RNF138: variants seen among roughly 807,000 people sequenced by gnomAD.
RNF138 encodes the protein ring finger protein 138.
Under a neutral mutation model 31.0 loss-of-function variants are expected in RNF138, and 12 were observed. That is an observed-to-expected ratio of 0.39 (90% CI 0.25 to 0.63). The LOEUF (loss-of-function observed/expected upper bound fraction) is 0.63. RNF138 is among the 20% of genes least tolerant of loss of function. The pLI is 0.52. For missense variants in RNF138, 192 were observed against 300.1 expected, an observed-to-expected ratio of 0.64 and a Z score of 2.66; for synonymous variants, 105 against 99.5, an observed-to-expected ratio of 1.06 and a Z score of -0.33.
intron 4 of RNF138, among the ~76,000 whole-genome samples, chr18:32,122,893 G>A (rs1295527978): frequency 1.3e-5 from 2 of 152,118 alleles, no homozygotes; most frequent in African/African-American, 2.4e-5. Context: ...CACAGGTGAC[G>A]GTCCCTGTAT....
intron 2 of RNF138, among the ~76,000 whole-genome samples, chr18:32,103,248 G>C (rs1225400025): frequency 6.6e-6 from 1 of 152,002 alleles, no homozygotes. Flanking sequence ...CAGTGGGGTG[G>C]GGTGATCATT....
At chr18:32,125,101 G>T in intron 6 of RNF138, 1 of 314,212 alleles carries the variant, frequency 3.2e-6, no homozygotes, top group Non-Finnish European at 6.0e-6. Flanking sequence ...GTGAAGTAAT[G>T]AAAGATGAAC....
At chr18:32,128,026 G>C (rs566069141) in intron 7 of RNF138, among the ~76,000 whole-genome samples, 1 of 152,310 alleles carries the variant, frequency 6.6e-6, no homozygotes, top group African/African-American at 2.4e-5. Context: ...CTTGCAGTGC[G>C]TGAAGATCAC....
At chr18:32,108,251 C>G (rs1252547645) in intron 2 of RNF138, among the ~76,000 whole-genome samples, 2 of 152,120 alleles carry the variant, frequency 1.3e-5, no homozygotes, top group Non-Finnish European at 2.9e-5. Flanking sequence ...ACACCCATAT[C>G]AAGCAACCAT....
In RNF138 at chr18:32,126,678, A is replaced by T; in HGVS notation, c.562-15A>T. The T allele has an allele frequency of 7.2e-7, 1 of 1,385,294 alleles. No homozygotes were observed. The highest frequency in any genetic ancestry group is 1.0e-6 in the Non-Finnish European group (1 of 984,388). The allele number at this position is 1,385,294 out of a possible 1,614,324, so 85.8% of individuals were successfully genotyped here. ...TTTTTATTATTTTTTGTTTAAAACA[A>T]TCTGTTTCTTATAGACATGTCCTAT... On this transcript the variant is annotated splice_polypyrimidine_tract_variant and intron_variant, in intron 6 of 7. Transcript: ENST00000261593.
At chr18:32,093,268 T>G (rs1283951295) in intron 2 of RNF138, among the ~76,000 whole-genome samples, 1 of 152,130 alleles carries the variant, frequency 6.6e-6, no homozygotes, top group African/African-American at 2.4e-5. Flanking sequence ...GGAGCCTTTT[T>G]GTTTCTTAGC....
chr18:32,111,853 A>G lies in RNF138; in HGVS notation c.210A>G (p.Glu70=), dbSNP rs2040137006. 2 of 1,614,032 alleles carry G rather than the reference A, an allele frequency of 1.2e-6. No homozygotes were observed. Among genetic ancestry groups the G allele is most frequent in the Middle Eastern group, 1.7e-4 (1 of 6,052 alleles). The stretch of plus-strand genomic sequence containing the variant: ...CTAGAAGAGAGAGAGCATGTCCTGA[A>G]CGGGCCTTAGACCTTGAAAATATAA... ...NVTRRERACP[E]RALDLENIMR... The change falls in exon 3 of 8, where the codon GAA becomes GAG. Residue 70 remains glutamate, a synonymous_variant. Transcript: ENST00000261593.
In RNF138 at chr18:32,111,926, T is replaced by C; in HGVS notation, c.276+7T>C. The C allele has an allele frequency of 6.3e-7, 1 of 1,583,166 alleles. No homozygotes were observed. The highest frequency in any genetic ancestry group is 1.2e-5 in the South Asian group (1 of 86,220). ...CAGATGCTGTGCAAAACAGGTAGAGTAAATGTGACATCTCTCTTCTTTGGA... is the reference window on the plus strand; with the variant it reads ...CAGATGCTGTGCAAAACAGGTAGAGCAAATGTGACATCTCTCTTCTTTGGA... On this transcript the variant is annotated splice_region_variant and intron_variant, in intron 3 of 7. Coordinates refer to ENST00000261593, the MANE Select transcript of RNF138 (RefSeq NM_016271.5).
intron 2 of RNF138, among the ~76,000 whole-genome samples, chr18:32,098,119 TG>T: frequency 6.6e-6 from 1 of 151,978 alleles, no homozygotes; most frequent in South Asian, 2.1e-4. Context: ...CCCAAGTAGT[TG>T]GGATTACAGG....
chr18:32,108,663 TTTTTG>T (rs2040075937), intron 2 of RNF138, among the ~76,000 whole-genome samples: 1 of 152,066 alleles, frequency 6.6e-6, no homozygotes, highest in Non-Finnish European at 1.5e-5. Flanking sequence ...ATATATGTAA[TTTTTG>T]TTTTGTTTGG....
chr18:32,113,917 T>G, intron 4 of RNF138, 57 bp downstream of exon 4: 2 of 910,222 alleles, frequency 2.2e-6, no homozygotes, highest in Non-Finnish European at 1.7e-6. Flanking sequence ...GAAATTGTTT[T>G]GGGAACTATA....
intron 4 of RNF138, among the ~76,000 whole-genome samples, chr18:32,116,033 CAT>C (rs947936583): frequency 1.3e-5 from 2 of 152,156 alleles, no homozygotes; most frequent in African/African-American, 2.4e-5. Flanking sequence ...TCAGTTGTCT[CAT>C]GTGTTTAAGG....
At chr18:32,106,542 AT>A (rs2040030760) in intron 2 of RNF138, among the ~76,000 whole-genome samples, 1 of 149,284 alleles carries the variant, frequency 6.7e-6, no homozygotes, top group African/African-American at 2.5e-5. Context: ...ATTATTTTTT[AT>A]TTTATTTTAT....
chr18:32,127,714 G>C (rs573567205), intron 7 of RNF138, among the ~76,000 whole-genome samples: 93 of 152,310 alleles, frequency 6.1e-4, no homozygotes, highest in African/African-American at 2.1e-3. Flanking sequence ...GCTATGTAAT[G>C]TATTTGGAAA....
intron 2 of RNF138, among the ~76,000 whole-genome samples, chr18:32,111,182 G>A (rs1003107786): frequency 2.0e-5 from 3 of 152,192 alleles, no homozygotes; most frequent in Non-Finnish European, 4.4e-5. Context: ...CTGTTAACAC[G>A]CAGATAACTT....
intron 2 of RNF138, among the ~76,000 whole-genome samples, chr18:32,099,487 C>G (rs2039879273): frequency 6.6e-6 from 1 of 152,152 alleles, no homozygotes; most frequent in South Asian, 2.1e-4. Flanking sequence ...ACCGCAACCT[C>G]CACCCATTGG....
At position 32,124,698 on chromosome 18, in the gene RNF138, T is replaced by A. The variant is rs2040358202; in HGVS notation, c.450-36T>A. Reference sequence around the variant, plus strand: ...GGAGAGCGTTATTTTTGTGTTATTCTGAATTAAGTATGTTTCACTTAAAAT... The same window carrying A: ...GGAGAGCGTTATTTTTGTGTTATTCAGAATTAAGTATGTTTCACTTAAAAT... On this transcript the variant is annotated intron_variant, in intron 5 of 7. Transcript: ENST00000261593. 3.0e-6 allele frequency: 3 copies of A among 1,013,504 alleles called. No homozygotes were observed. The East Asian group carries it at 7.1e-5, about 24-fold the overall frequency. The allele number at this position is 1,013,504 out of a possible 1,614,324, so 62.8% of individuals were successfully genotyped here. A position where few individuals can be genotyped will look rare whatever the true frequency, so the allele number is the denominator to read the frequency against.
chr18:32,111,183 C>G (rs1360771761), intron 2 of RNF138, among the ~76,000 whole-genome samples: 1 of 152,250 alleles, frequency 6.6e-6, no homozygotes, highest in Non-Finnish European at 1.5e-5. Flanking sequence ...TGTTAACACG[C>G]AGATAACTTT....
chr18:32,126,557 A>G (rs1051305988), intron 6 of RNF138, 136 bp from the exon 7 acceptor site: 1 of 537,872 alleles, frequency 1.9e-6, no homozygotes. Context: ...TGATCTAGTC[A>G]TGGAACTTGG....
Sources: gnomAD v4.1 joint callset for allele counts (sites outside exome capture counted in the v4.1 genomes callset) on GRCh38, gnomAD v4.1.1 for gene constraint, MANE v1.5 for transcripts, NCBI Gene and HGNC (gene_info 2026-07-23, HGNC 2026-07-21) for gene names.